Variants in AGBL5 observed in about 807,000 individuals in gnomAD.
AGBL5 encodes the protein AGBL carboxypeptidase 5.
Under a neutral mutation model 88.0 loss-of-function variants are expected in AGBL5, and 51 were observed. That is an observed-to-expected ratio of 0.58 (90% CI 0.46 to 0.73). The LOEUF (loss-of-function observed/expected upper bound fraction) is 0.73. Ranked by LOEUF, AGBL5 falls within the 30% of genes least tolerant of loss-of-function variation. The pLI, the probability that AGBL5 is intolerant of heterozygous loss-of-function variation, is 0.00. For synonymous variants in AGBL5, 446 were observed against 438.8 expected, an observed-to-expected ratio of 1.02 and a Z score of -0.21; for missense variants, 1,031 against 1,162.2, an observed-to-expected ratio of 0.89 and a Z score of 1.64.
At chr2:27,057,545 A>T in intron 9 of AGBL5, 107 bp downstream of exon 9, 1 of 1,289,354 alleles carries the variant, frequency 7.8e-7, no homozygotes, top group Non-Finnish European at 1.1e-6. Context: ...ATTCATCACT[A>T]TGGCCGTCTC....
At chr2:27,069,303 C>A in intron 13 of AGBL5, 2 of 985,376 alleles carry the variant, frequency 2.0e-6, no homozygotes, top group Non-Finnish European at 2.4e-6. Flanking sequence ...CTCTACTCAC[C>A]CAGACCTTAG....
Position 27,059,606 on chromosome 2 carries a change from G to A in AGBL5, c.2089+202G>A. On this transcript the variant is annotated intron_variant, in intron 11 of 14. Coordinates refer to ENST00000360131, the MANE Select transcript of AGBL5 (RefSeq NM_021831.6). ...CAGAGCGGTATTGTGTGTGGCCAGAGGGGGAAGTCTGGGTATCTGGGCTTC... is the reference window on the plus strand; with the variant it reads ...CAGAGCGGTATTGTGTGTGGCCAGAAGGGGAAGTCTGGGTATCTGGGCTTC... 14 of 1,284,716 alleles carry A rather than the reference G, an allele frequency of 1.1e-5. 1 individual carries two copies. In the South Asian group the frequency reaches 2.0e-4, roughly 18 times the overall value. The allele number at this position is 1,284,716 out of a possible 1,614,324, so 79.6% of individuals were successfully genotyped here.
chr2:27,053,346 G>C lies in AGBL5; in HGVS notation c.216-56G>C. 1 of 1,585,294 alleles carries C rather than the reference G, an allele frequency of 6.3e-7. No homozygotes were observed. Among genetic ancestry groups the C allele is most frequent in the Non-Finnish European group, 8.6e-7 (1 of 1,163,688 alleles). ...TTTGGCTGGCTCCGGCTCTCCCACAGACCATATCTCCAACCCTTCCACACG... is the reference window on the plus strand; with the variant it reads ...TTTGGCTGGCTCCGGCTCTCCCACACACCATATCTCCAACCCTTCCACACG... On this transcript the variant is annotated intron_variant, in intron 2 of 14. Transcript: ENST00000360131. This position sits in a 1 kb window ranked among gnomAD's most constrained non-coding sequence, Gnocchi z 4.9.
chr2:27,066,976 G>A (rs1368349558), intron 11 of AGBL5, among the ~76,000 whole-genome samples: 4 of 151,974 alleles, frequency 2.6e-5, no homozygotes, highest in Non-Finnish European at 5.9e-5. Flanking sequence ...CCAGCTACTC[G>A]GGAGCCTGAG....
At chr2:27,068,578 G>A (rs1374681245) in intron 12 of AGBL5, 54 bp from the exon 13 acceptor site, 25 of 1,519,702 alleles carry the variant, frequency 1.6e-5, no homozygotes, top group East Asian at 4.5e-5. Context: ...TCCTTTGGAA[G>A]TTACCTCCTC....
intron 11 of AGBL5, among the ~76,000 whole-genome samples, chr2:27,063,070 G>A (rs1172210099): frequency 1.3e-5 from 2 of 152,198 alleles, no homozygotes; most frequent in African/African-American, 4.8e-5. Context: ...ACCAGCATCT[G>A]GAAAAGAGAG....
chr2:27,055,990 C>T lies in AGBL5; in HGVS notation c.1217C>T (p.Pro406Leu). Reference protein sequence around the residue: ...EQKLNSVWIMPQQSAGLEESA... With the variant: ...EQKLNSVWIMLQQSAGLEESA... ...AAGCTCAACAGTGTGTGGATTATGC[C>T]ACAACAGTCTGCGGGGCTTGAAGAG... is the stretch of plus-strand genomic sequence containing the variant. The change falls in exon 7 of 15, where the codon CCA (proline) becomes CTA (leucine). Residue 406 changes from proline (P) to leucine (L), a missense_variant. By Grantham distance (98) the Pro-to-Leu change is moderately conservative (BLOSUM62 -3). Transcript: ENST00000360131. 6.2e-7 allele frequency: 1 copy of T among 1,614,216 alleles called. No individual in the cohort carries two copies.
At position 27,053,732 on chromosome 2, in the gene AGBL5, T is replaced by C. The variant is rs1487072713; in HGVS notation, c.387+159T>C. ...TTAGCTAGAGTCCAAGATGAGCCCCTGCCTCAGGAAGCCTAGAAGGAGCCA... is the reference window on the plus strand; with the variant it reads ...TTAGCTAGAGTCCAAGATGAGCCCCCGCCTCAGGAAGCCTAGAAGGAGCCA... On this transcript the variant is annotated intron_variant, in intron 3 of 14. Coordinates refer to ENST00000360131, the MANE Select transcript of AGBL5 (RefSeq NM_021831.6). The surrounding 1 kb of genome is among the most constrained non-coding windows in gnomAD (Gnocchi z 4.9). 7.4e-7 allele frequency: 1 copy of C among 1,358,918 alleles called. No homozygotes were observed. The highest frequency in any genetic ancestry group is 9.9e-7 in the Non-Finnish European group (1 of 1,010,484). 84.2% of individuals were successfully genotyped at this position (1,358,918 alleles called of 1,614,324 possible).
chr2:27,062,491 T>C (rs147636610), intron 11 of AGBL5: 12 of 152,312 alleles, frequency 7.9e-5, no homozygotes, highest in Non-Finnish European at 1.6e-4. Context: ...CAACACTGCA[T>C]TGAGCCCCCT....
intron 8 of AGBL5, 94 bp from the exon 9 acceptor site, chr2:27,057,209 A>C (rs2148280296): frequency 7.2e-7 from 1 of 1,391,390 alleles, no homozygotes; most frequent in Non-Finnish European, 9.8e-7. Flanking sequence ...CTTTTTTCCA[A>C]GTGATTGCCT....
chr2:27,067,608 TG>T lies in AGBL5; in HGVS notation c.2207del (p.Gly736AlafsTer30). 2 of 1,614,134 alleles carry T rather than the reference TG, an allele frequency of 1.2e-6. No homozygotes were observed. The highest frequency in any genetic ancestry group is 1.7e-6 in the Non-Finnish European group (2 of 1,180,014). Reference protein sequence around the residue: ...TSSGPASSHKLGSCLLPDSFN... With the variant: ...TSSGPASSHKXGSCLLPDSFN... ...TCTGGCCCAGCCTCCTCACACAAGC[TG>T]GGCTCCTGTCTACTGCCTGATTCAT... On this transcript the variant is annotated frameshift_variant, in exon 12 of 15. Coordinates refer to ENST00000360131, the MANE Select transcript of AGBL5 (RefSeq NM_021831.6). LOFTEE classifies it high-confidence loss of function.
At chr2:27,050,876 T>C (rs763829340), upstream of AGBL5, 2 of 152,134 alleles carry the variant, frequency 1.3e-5, no homozygotes, top group Admixed American at 1.3e-4. Flanking sequence ...AAGGACTTCG[T>C]CTGTAATTTT....
rs1668253249 is a variant in AGBL5 at position 27,053,083 on chromosome 2, T to C, written c.125T>C (p.Leu42Pro). Residue 42 changes from leucine to proline, a missense_variant, in exon 2 of 15, where the codon CTG (leucine) becomes CCG (proline). Physicochemically the swap from Leu to Pro is moderately conservative, Grantham distance 98. Around this residue, in one of 2 missense-constraint regions of AGBL5, gnomAD observed 540 missense variants for 678.2 expected, o/e 0.80. Transcript: ENST00000360131. This position sits in a 1 kb window ranked among gnomAD's most constrained non-coding sequence, Gnocchi z 4.9. ...GEGVGGGASA[L>P]TSGIASSPDY... ...GGGGTAGGAGGTGGGGCGTCAGCCC[T>C]GACCAGTGGCATTGCCTCTTCCCCT... 6.2e-7 allele frequency: 1 copy of C among 1,613,566 alleles called. No individual in the cohort carries two copies. Among genetic ancestry groups the C allele is most frequent in the Non-Finnish European group, 8.5e-7 (1 of 1,179,722 alleles).
chr2:27,069,321 G>A lies in AGBL5; in HGVS notation c.2356-252G>A, dbSNP rs570956266. On this transcript the variant is annotated intron_variant, in intron 13 of 14. Transcript: ENST00000360131. The stretch of plus-strand genomic sequence containing the variant: ...TACTCACCCAGACCTTAGTCATGGT[G>A]TAGCCATGGCGGTTAAATGCTGGAT... 5.1e-6 allele frequency: 5 copies of A among 985,392 alleles called. No individual in the cohort carries two copies. In the African/African-American group the frequency reaches 7.0e-5, roughly 14 times the overall value. 61.0% of individuals were successfully genotyped at this position (985,392 alleles called of 1,614,324 possible). A position where few individuals can be genotyped will look rare whatever the true frequency, so the allele number is the denominator to read the frequency against.
intron 1 of AGBL5, 48 bp from the exon 2 acceptor site, chr2:27,052,865 C>T (rs1367839718): frequency 9.4e-6 from 11 of 1,165,586 alleles, no homozygotes; most frequent in Middle Eastern, 2.9e-4. Context: ...GAAAACTCTT[C>T]GATTTGTCTT....
chr2:27,067,259 A>C (rs1323657823), intron 11 of AGBL5, among the ~76,000 whole-genome samples: 1 of 151,498 alleles, frequency 6.6e-6, no homozygotes, highest in Non-Finnish European at 1.5e-5. Flanking sequence ...CTTTAAAAAA[A>C]AAAAAAAAAA....
chr2:27,065,361 A>G (rs896728608), intron 11 of AGBL5, among the ~76,000 whole-genome samples: 5 of 152,170 alleles, frequency 3.3e-5, no homozygotes, highest in Non-Finnish European at 7.3e-5. Flanking sequence ...ACTTGTAGTA[A>G]TAAGTCTCGA....
intron 11 of AGBL5, among the ~76,000 whole-genome samples, chr2:27,064,785 C>T (rs1190176553): frequency 2.7e-5 from 3 of 113,100 alleles, no homozygotes; most frequent in Non-Finnish European, 3.4e-5. Context: ...GAGACAGTCT[C>T]ACTCTGTCGC....
At position 27,053,066 on chromosome 2, in the gene AGBL5, A is replaced by AATCT. The variant is rs746726560; in HGVS notation, c.108_109insATCT (p.Gly37IlefsTer16). On this transcript the variant is annotated frameshift_variant, in exon 2 of 15. Transcript: ENST00000360131. LOFTEE classifies it high-confidence loss of function. The surrounding 1 kb of genome is among the most constrained non-coding windows in gnomAD (Gnocchi z 4.9). ...TGTCCAGTGATGGGGAAGGGGTAGG[A>AATCT]GGTGGGGCGTCAGCCCTGACCAGTG... is the stretch of plus-strand genomic sequence containing the variant. 17 of 1,613,714 alleles carry AATCT rather than the reference A, an allele frequency of 1.1e-5. No individual in the cohort carries two copies. Among genetic ancestry groups the AATCT allele is most frequent in the Non-Finnish European group, 1.4e-5 (17 of 1,179,902 alleles).
Sources: allele counts gnomAD v4.1 joint callset (sites outside exome capture counted in the v4.1 genomes callset), GRCh38; gene constraint gnomAD v4.1.1; regional missense constraint gnomAD v4.1.1; non-coding constraint Gnocchi (gnomAD v3.1); transcripts MANE v1.5; gene names NCBI Gene and HGNC (gene_info 2026-07-23, HGNC 2026-07-21).